Variants in APOBEC1 observed in about 807,000 individuals in gnomAD.
The protein encoded by APOBEC1 is apolipoprotein B mRNA editing enzyme catalytic subunit 1, also known as C->U-editing enzyme APOBEC-1.
APOBEC1 carries 22 observed loss-of-function variants against 26.3 expected under a neutral mutation model. That is an observed-to-expected ratio of 0.84 (90% CI 0.60 to 1.19). The LOEUF is 1.19. Among genes scored for constraint, APOBEC1 ranks in the 50% most tolerant of loss-of-function variants. APOBEC1 has a pLI of 0.00. For synonymous variants in APOBEC1, 77 were observed against 95.3 expected (o/e 0.81, Z 1.12); for missense variants, 253 against 289.0 (o/e 0.88, Z 0.90).
intron 3 of APOBEC1, 101 bp downstream of exon 3, chr12:7,652,337 T>G: frequency 2.7e-6 from 3 of 1,117,868 alleles, no homozygotes; most frequent in Non-Finnish European, 2.5e-6. Flanking sequence ...CTTTTACTTC[T>G]GAGACTTCCA....
rs760816217 is a variant in APOBEC1, at chr12:7,656,206, C to T, written c.17-1574G>A. Among the ~76,000 whole-genome samples, 31 of 151,852 alleles carry T rather than the reference C, an allele frequency of 2.0e-4. 1 individual carries two copies. The South Asian group carries it at 5.6e-3, about 28-fold the overall frequency. On this transcript the variant is annotated intron_variant, in intron 1 of 4. Coordinates refer to ENST00000229304, the MANE Select transcript of APOBEC1 (RefSeq NM_001644.5). ...GATGTGTATTTGAGAATTTATATAC[C>T]GCAGGCCTGCTGCTCCCCTGCATGA... is the stretch of plus-strand genomic sequence containing the variant.
intron 2 of APOBEC1, 33 bp from the exon 3 acceptor site, chr12:7,652,868 C>T: frequency 6.6e-7 from 1 of 1,523,214 alleles, no homozygotes; most frequent in Non-Finnish European, 8.8e-7. Context: ...CACTGTCATG[C>T]CACATTTAGA....
intron 1 of APOBEC1, among the ~76,000 whole-genome samples, chr12:7,655,068 G>C (rs1386646957): frequency 6.6e-6 from 1 of 152,084 alleles, no homozygotes; most frequent in East Asian, 1.9e-4. Flanking sequence ...AATTAGCCAG[G>C]TGTGATTGCG....
chr12:7,657,990 A>G (rs566912357), intron 1 of APOBEC1, among the ~76,000 whole-genome samples: 1 of 152,340 alleles, frequency 6.6e-6, no homozygotes, highest in East Asian at 1.9e-4. Flanking sequence ...GACTGATCAA[A>G]AGTCCCTAAT....
intron 4 of APOBEC1, among the ~76,000 whole-genome samples, chr12:7,650,149 G>A (rs1450721523): frequency 1.3e-5 from 2 of 152,076 alleles, no homozygotes; most frequent in Non-Finnish European, 2.9e-5. Flanking sequence ...AATGGAACAC[G>A]TACATTCTCT....
chr12:7,658,674 T>G (rs1410304541), intron 1 of APOBEC1, among the ~76,000 whole-genome samples: 1 of 152,172 alleles, frequency 6.6e-6, no homozygotes, highest in Non-Finnish European at 1.5e-5. Context: ...TGGCACATAT[T>G]GATTGAAAAT....
rs1268395020 is a variant in APOBEC1 at position 7,663,235 on chromosome 12, G to T, written c.16+2622C>A. Among the ~76,000 whole-genome samples, 8 of 152,134 alleles carry T rather than the reference G, an allele frequency of 5.3e-5. No individual in the cohort carries two copies. The East Asian group carries it at 1.5e-3, about 29-fold the overall frequency. On this transcript the variant is annotated intron_variant, in intron 1 of 4. Coordinates refer to ENST00000229304, the MANE Select transcript of APOBEC1 (RefSeq NM_001644.5). Reference sequence around the variant, plus strand: ...CTAGGCTGTGTGTGTACCTGTTTGTGTGTGTTACTTTTTATGCATTTGCAC... The same window carrying T: ...CTAGGCTGTGTGTGTACCTGTTTGTTTGTGTTACTTTTTATGCATTTGCAC...
At chr12:7,651,882 G>A (rs753101450) in intron 3 of APOBEC1, among the ~76,000 whole-genome samples, 188 of 150,790 alleles carry the variant, frequency 1.2e-3, no homozygotes, top group Non-Finnish European at 2.2e-3. Flanking sequence ...GTGCAGTGGC[G>A]CGATCTCGGC....
chr12:7,654,740 T>A, intron 1 of APOBEC1, 108 bp from the exon 2 acceptor site: 1 of 1,102,664 alleles, frequency 9.1e-7, no homozygotes, highest in South Asian at 1.3e-5. Flanking sequence ...GAAAATGGAA[T>A]TTGAAGATTC....
At position 7,665,843 on chromosome 12, in the gene APOBEC1, C is replaced by A. The variant is rs371402293; in HGVS notation, c.16+14G>T. The stretch of plus-strand genomic sequence containing the variant: ...TGTTCAAGAATACTTGCCAAGCCCC[C>A]GGATCCATTTTACCTTTCTCAGAAG... On this transcript the variant is annotated intron_variant, in intron 1 of 4. Transcript: ENST00000229304. The A allele has an allele frequency of 2.5e-6, 4 of 1,611,098 alleles. No homozygotes were observed. The highest frequency in any genetic ancestry group is 3.4e-6 in the Non-Finnish European group (4 of 1,178,926).
chr12:7,653,115 A>G (rs1439501683), intron 2 of APOBEC1, among the ~76,000 whole-genome samples: 1 of 151,836 alleles, frequency 6.6e-6, no homozygotes. Flanking sequence ...TATTTTTAGT[A>G]GAGACGGGGT....
chr12:7,652,705 T>C lies in APOBEC1; in HGVS notation c.175A>G (p.Thr59Ala). 1 of 1,614,156 alleles carries C rather than the reference T, an allele frequency of 6.2e-7. No homozygotes were observed. The highest frequency in any genetic ancestry group is 1.1e-5 in the South Asian group (1 of 91,080). Residue 59 changes from threonine (T) to alanine (A), a missense_variant, in exon 3 of 5, where the codon ACC becomes GCC. Transcript: ENST00000229304. Reference sequence around the variant, plus strand: ...ATAAAATTAACTTCCACGTGATTGGTGGTGTTTTTGCCTGAGCTTCGCCAG... The same window carrying C: ...ATAAAATTAACTTCCACGTGATTGGCGGTGTTTTTGCCTGAGCTTCGCCAG... The part of the protein sequence containing the change: ...KIWRSSGKNT[T>A]NHVEVNFIKK...
intron 1 of APOBEC1, among the ~76,000 whole-genome samples, chr12:7,662,075 T>C (rs1863827529): frequency 9.3e-6 from 1 of 107,794 alleles, no homozygotes; most frequent in African/African-American, 3.1e-5. Flanking sequence ...CAAGACCCCG[T>C]CTCTAAAAAC....
In APOBEC1 at chr12:7,660,334, G is replaced by GGGAAGGAA. The variant is rs756648758; in HGVS notation, c.16+5515_16+5522dup. On this transcript the variant is annotated intron_variant, in intron 1 of 4. Coordinates refer to ENST00000229304, the MANE Select transcript of APOBEC1 (RefSeq NM_001644.5). ...AGAAAGGAAGGAAGGAAGGAAGGAA[G>GGGAAGGAA]GGAAGGAAGGAAGGAAGGAAGGAAG... Among the ~76,000 whole-genome samples the GGGAAGGAA allele has an allele frequency of 3.4e-3, 123 of 35,736 alleles. 4 individuals are homozygous for GGGAAGGAA. Among genetic ancestry groups the GGGAAGGAA allele is most frequent in the Middle Eastern group, 0.023 (1 of 44 alleles). 23.4% of individuals were successfully genotyped at this position (35,736 alleles called of 152,430 possible). A position where few individuals can be genotyped will look rare whatever the true frequency, so the allele number is the denominator to read the frequency against.
chr12:7,650,881 T>C lies in APOBEC1; in HGVS notation c.561+142A>G, dbSNP rs1267594143. On this transcript the variant is annotated intron_variant, in intron 4 of 4. Coordinates refer to ENST00000229304, the MANE Select transcript of APOBEC1 (RefSeq NM_001644.5). ...ACCACCATACCTGGCTCTGAGATTT[T>C]CTTAAGAGGAGCTAGCTAGTTAAAT... 5 of 692,136 alleles carry C rather than the reference T, an allele frequency of 7.2e-6. No homozygotes were observed. The Admixed American group carries it at 1.1e-4, about 16-fold the overall frequency. The allele number at this position is 692,136 out of a possible 1,614,324, so 42.9% of individuals were successfully genotyped here.
intron 2 of APOBEC1, among the ~76,000 whole-genome samples, 192 bp downstream of exon 2, chr12:7,654,413 C>A (rs1162242897): frequency 6.8e-6 from 1 of 148,124 alleles, no homozygotes; most frequent in Non-Finnish European, 1.5e-5. Context: ...AGTCTGTTAC[C>A]CCGGCTGCAG....
intron 3 of APOBEC1, among the ~76,000 whole-genome samples, chr12:7,651,858 T>C (rs1396885360): frequency 1.3e-5 from 2 of 151,788 alleles, no homozygotes; most frequent in Non-Finnish European, 2.9e-5. Context: ...TCTCGCTCTG[T>C]CGCCCAGGCT....
intron 1 of APOBEC1, among the ~76,000 whole-genome samples, chr12:7,660,410 A>AAGAAAGAAAGAAAGAAAGAAAGAAAG (rs111744018): frequency 0.022 from 1,854 of 83,532 alleles, 106 homozygotes; most frequent in Non-Finnish European, 0.028. Flanking sequence ...GAAAGAAAGA[A>AAGAAAGAAAGAAAGAAAGAAAGAAAG]AGAGAGGGTA....
chr12:7,658,045 C>T (rs993907773), intron 1 of APOBEC1, among the ~76,000 whole-genome samples: 8 of 149,596 alleles, frequency 5.3e-5, no homozygotes, highest in Non-Finnish European at 1.2e-4. Context: ...TTGATTTGTT[C>T]TGTTTTGTTT....
Sources: gnomAD v4.1 joint callset for allele counts (sites outside exome capture counted in the v4.1 genomes callset) on GRCh38, gnomAD v4.1.1 for gene constraint, MANE v1.5 for transcripts, NCBI Gene and HGNC (gene_info 2026-07-23, HGNC 2026-07-21) for gene names.